Variants in LSAMP observed in about 807,000 individuals in gnomAD.
LSAMP encodes limbic system associated membrane protein.
Under a neutral mutation model 38.6 loss-of-function variants are expected in LSAMP, and 7 were observed. The observed-to-expected ratio is 0.18, with a 90% CI of 0.10 to 0.34. The LOEUF (loss-of-function observed/expected upper bound fraction) is 0.34. Among genes scored for constraint, LSAMP ranks in the 10% least tolerant of loss-of-function variants. The pLI is 1.00. For synonymous variants in LSAMP, 154 were observed against 166.8 expected, an observed-to-expected ratio of 0.92 and a Z score of 0.59; for missense variants, 313 against 420.0, an observed-to-expected ratio of 0.75 and a Z score of 2.23.
intron 1 of LSAMP, among the ~76,000 whole-genome samples, chr3:116,331,786 T>C (rs1288588284): frequency 6.6e-6 from 1 of 152,170 alleles, no homozygotes; most frequent in African/African-American, 2.4e-5. Flanking sequence ...ATTATAACAA[T>C]GGATTGTAAC....
At chr3:115,939,463 T>C (rs1195324618) in intron 3 of LSAMP, among the ~76,000 whole-genome samples, 2 of 152,192 alleles carry the variant, frequency 1.3e-5, no homozygotes, top group Non-Finnish European at 2.9e-5. Context: ...GTGCTTTTGA[T>C]GTTATACTCA....
chr3:116,147,894 G>A (rs1438754035), intron 1 of LSAMP, among the ~76,000 whole-genome samples: 2 of 151,880 alleles, frequency 1.3e-5, no homozygotes, highest in Non-Finnish European at 2.9e-5. Flanking sequence ...TAGGAAAAAT[G>A]TGATACCATT....
At chr3:115,891,931 T>C (rs1936610584) in intron 3 of LSAMP, among the ~76,000 whole-genome samples, 1 of 151,982 alleles carries the variant, frequency 6.6e-6, no homozygotes, top group Admixed American at 6.6e-5. Flanking sequence ...CACAGTCGGT[T>C]CTTTGAATAG....
rs116176852 is a variant in LSAMP, at chr3:115,936,780, T to A, written c.514+82735A>T. Among the ~76,000 whole-genome samples the A allele has an allele frequency of 4.5e-3, 691 of 152,238 alleles. 7 individuals carry two copies. Among genetic ancestry groups the A allele is most frequent in the African/African-American group, 0.015 (641 of 41,540 alleles). On this transcript the variant is annotated intron_variant, in intron 3 of 6. Transcript: ENST00000490035. ...ATATTCTGGGCACAGTTGTGGGTGCTGGAAATACATATAATGGAGCAAAGA... is the reference window on the plus strand; with the variant it reads ...ATATTCTGGGCACAGTTGTGGGTGCAGGAAATACATATAATGGAGCAAAGA...
At chr3:116,427,240 C>G (rs1386839771) in intron 1 of LSAMP, among the ~76,000 whole-genome samples, 9 of 151,210 alleles carry the variant, frequency 6.0e-5, no homozygotes, top group African/African-American at 2.2e-4. Flanking sequence ...CCTGCCTCAG[C>G]CTCCCGAGTA....
At chr3:116,249,734 C>T (rs9289048) in intron 1 of LSAMP, among the ~76,000 whole-genome samples, 85,794 of 151,702 alleles carry the variant, frequency 0.57, 28,437 homozygotes, top group South Asian at 0.76. Flanking sequence ...CCAAGAGAGT[C>T]CCGAAAAATT....
chr3:115,908,086 G>GATAT (rs71616334), intron 3 of LSAMP, among the ~76,000 whole-genome samples: 18,713 of 150,818 alleles, frequency 0.12, 1,294 homozygotes, highest in Middle Eastern at 0.19. Flanking sequence ...AGATAAGAAA[G>GATAT]ATATATATAT....
At chr3:116,107,783 A>G (rs967852811) in intron 1 of LSAMP, among the ~76,000 whole-genome samples, 5 of 152,180 alleles carry the variant, frequency 3.3e-5, no homozygotes, top group African/African-American at 1.2e-4. Context: ...GCAAAGGAAT[A>G]GTAAAGAAAG....
intron 3 of LSAMP, among the ~76,000 whole-genome samples, chr3:115,997,698 CTA>C (rs905048481): frequency 1.7e-5 from 2 of 114,360 alleles, no homozygotes; most frequent in Admixed American, 2.1e-4. Context: ...AAGAGGGAAA[CTA>C]TTGACATTTT....
chr3:116,129,257 CACA>C (rs1260253083), intron 1 of LSAMP, among the ~76,000 whole-genome samples: 1 of 152,122 alleles, frequency 6.6e-6, no homozygotes, highest in African/African-American at 2.4e-5. Context: ...CTATTGCGTA[CACA>C]ACAGCTTGTG....
At chr3:115,882,086 G>C (rs1467934626) in intron 3 of LSAMP, among the ~76,000 whole-genome samples, 1 of 152,082 alleles carries the variant, frequency 6.6e-6, no homozygotes, top group Non-Finnish European at 1.5e-5. Context: ...TTACAATATA[G>C]AGCATCACCA....
intron 3 of LSAMP, among the ~76,000 whole-genome samples, chr3:115,987,418 GC>G (rs1373840851): frequency 6.6e-6 from 1 of 152,174 alleles, no homozygotes; most frequent in Non-Finnish European, 1.5e-5. Context: ...ATACAGGACT[GC>G]AATGTAAAGG....
intron 1 of LSAMP, among the ~76,000 whole-genome samples, chr3:116,193,623 CT>C: frequency 6.6e-6 from 1 of 152,238 alleles, no homozygotes; most frequent in East Asian, 1.9e-4. Flanking sequence ...AATGACTGAT[CT>C]CGTTTTGCAA....
intron 3 of LSAMP, among the ~76,000 whole-genome samples, chr3:115,896,274 G>T (rs947812081): frequency 4.6e-5 from 7 of 152,128 alleles, no homozygotes; most frequent in Non-Finnish European, 7.4e-5. Flanking sequence ...TCCAAACAGG[G>T]TTTATGTGAA....
At chr3:116,438,723 C>T (rs1204619532) in intron 1 of LSAMP, among the ~76,000 whole-genome samples, 1 of 152,186 alleles carries the variant, frequency 6.6e-6, no homozygotes, top group Admixed American at 6.5e-5. Flanking sequence ...TAGAACAGTT[C>T]TGTACCTTGT....
intron 1 of LSAMP, among the ~76,000 whole-genome samples, chr3:116,356,504 A>G (rs555501036): frequency 1.3e-5 from 2 of 152,326 alleles, no homozygotes; most frequent in South Asian, 4.1e-4. Context: ...TATACAATGA[A>G]TAAGACCTAG....
chr3:116,218,892 A>G (rs1428890910), intron 1 of LSAMP, among the ~76,000 whole-genome samples: 1 of 152,210 alleles, frequency 6.6e-6, no homozygotes, highest in Non-Finnish European at 1.5e-5. Context: ...TATTGGTAAC[A>G]ATGTATGCCT....
intron 6 of LSAMP, 64 bp downstream of exon 6, chr3:115,841,781 C>T: frequency 1.3e-6 from 2 of 1,526,152 alleles, no homozygotes; most frequent in Non-Finnish European, 1.8e-6. Context: ...GAATGGTTTT[C>T]ACGTTTTTCA....
At chr3:116,399,811 T>C (rs1190248429) in intron 1 of LSAMP, among the ~76,000 whole-genome samples, 4 of 152,218 alleles carry the variant, frequency 2.6e-5, no homozygotes, top group Non-Finnish European at 2.9e-5. Flanking sequence ...GACATCTCAT[T>C]GCACATCTAC....
Sources: allele counts gnomAD v4.1 joint callset (sites outside exome capture counted in the v4.1 genomes callset), GRCh38; gene constraint gnomAD v4.1.1; transcripts MANE v1.5; gene names NCBI Gene and HGNC (gene_info 2026-07-23, HGNC 2026-07-21).